The following RUFY2 variants were observed in gnomAD, a reference collection of about 807,000 sequenced individuals.
RUFY2 encodes RUN and FYVE domain-containing protein 2.
Under a neutral mutation model 94.4 loss-of-function variants are expected in RUFY2, and 49 were observed. The ratio of observed to expected loss-of-function variants is 0.52; its 90% CI spans 0.41 to 0.66. The LOEUF (loss-of-function observed/expected upper bound fraction) is 0.66. RUFY2 is among the 30% of genes least tolerant of loss of function. RUFY2 has a pLI of 0.00. For missense variants in RUFY2, 541 were observed against 692.8 expected, an observed-to-expected ratio of 0.78 and a Z score of 2.46; for synonymous variants, 255 against 235.7, an observed-to-expected ratio of 1.08 and a Z score of -0.75.
At chr10:68,366,989 G>A (rs2047898121) in intron 13 of RUFY2, among the ~76,000 whole-genome samples, 1 of 150,696 alleles carries the variant, frequency 6.6e-6, no homozygotes, top group Admixed American at 6.7e-5. Flanking sequence ...CCAACATGGT[G>A]AAACCCTGTC....
chr10:68,367,061 G>A (rs937128319), intron 13 of RUFY2, among the ~76,000 whole-genome samples: 3 of 150,072 alleles, frequency 2.0e-5, no homozygotes, highest in Non-Finnish European at 3.0e-5. Flanking sequence ...TCATCTACTC[G>A]GGAGGCTGAG....
intron 15 of RUFY2, among the ~76,000 whole-genome samples, chr10:68,359,634 G>A (rs1165436200): frequency 6.8e-6 from 1 of 146,738 alleles, no homozygotes; most frequent in Non-Finnish European, 1.5e-5. Flanking sequence ...ATACATAGTA[G>A]TAGTGCTACT....
At chr10:68,343,004 TTTTAG>T (rs1246175743), downstream of RUFY2, 5 of 152,130 alleles carry the variant, frequency 3.3e-5, no homozygotes. Context: ...CTGCTTGGAG[TTTTAG>T]TTTAAAGAAT....
chr10:68,342,204 T>G, downstream of RUFY2: 1 of 564,128 alleles, frequency 1.8e-6, no homozygotes. Context: ...CAGATTGTGA[T>G]GGGAAAATGT....
At chr10:68,400,846 A>T (rs1726463892) in intron 3 of RUFY2, among the ~76,000 whole-genome samples, 1 of 151,728 alleles carries the variant, frequency 6.6e-6, no homozygotes. Context: ...CCCGATCTCT[A>T]CTAAAAATAC....
chr10:68,372,234 T>G (rs1290465764), intron 13 of RUFY2, among the ~76,000 whole-genome samples: 1 of 151,418 alleles, frequency 6.6e-6, no homozygotes, highest in African/African-American at 2.4e-5. Context: ...CATAGCAAGA[T>G]CCTGTCCCTA....
intron 8 of RUFY2, 75 bp downstream of exon 8, chr10:68,385,984 A>T: frequency 1.1e-6 from 1 of 881,440 alleles, no homozygotes. Context: ...GTGTATGTTT[A>T]ATGCATTCAT....
At chr10:68,378,037 C>A in intron 12 of RUFY2, 1 of 985,386 alleles carries the variant, frequency 1.0e-6, no homozygotes, top group Non-Finnish European at 1.2e-6. Flanking sequence ...AAATAGAAGT[C>A]AGAGTGAGGT....
intron 6 of RUFY2, 95 bp downstream of exon 6, chr10:68,393,980 A>G: frequency 2.8e-6 from 4 of 1,430,386 alleles, no homozygotes; most frequent in Non-Finnish European, 3.7e-6. Context: ...GAAAACAACA[A>G]AATAAAACCA....
chr10:68,350,930 C>T (rs1181833683), intron 16 of RUFY2, among the ~76,000 whole-genome samples: 2 of 151,928 alleles, frequency 1.3e-5, no homozygotes, highest in Admixed American at 6.6e-5. Flanking sequence ...AGGCTGGTCT[C>T]GAACTCCCGA....
chr10:68,348,924 C>T (rs1207721503), intron 16 of RUFY2, among the ~76,000 whole-genome samples: 1 of 152,166 alleles, frequency 6.6e-6, no homozygotes, highest in Non-Finnish European at 1.5e-5. Flanking sequence ...TGCAAATAAA[C>T]AGCAATTTTT....
chr10:68,401,477 A>T (rs2050844976), intron 3 of RUFY2, 143 bp downstream of exon 3: 1 of 610,690 alleles, frequency 1.6e-6, no homozygotes, highest in African/African-American at 1.8e-5. Flanking sequence ...AGCCATAAAG[A>T]ATGAACATAA....
In RUFY2 at chr10:68,364,071, C is replaced by A; in HGVS notation, c.1368G>T (p.Arg456Ser). ...TTTGAAGATCTTCCTGCAAAGTCTG[C>A]CTCCATTCCTTCTCAATCTTCAAGT... ...ETDLKIEKEW[R>S]QTLQEDLQKE... The change falls in exon 14 of 18, where the codon AGG becomes AGT. Residue 456 changes from arginine to serine, a missense_variant. By Grantham distance (110) the Arg-to-Ser change is moderately radical. Transcript: ENST00000602465. 1 of 1,613,134 alleles carries A rather than the reference C, an allele frequency of 6.2e-7. No individual in the cohort carries two copies. Among genetic ancestry groups the A allele is most frequent in the African/African-American group, 1.3e-5 (1 of 75,010 alleles).
chr10:68,367,646 TTTTC>T (rs368425647), intron 13 of RUFY2, among the ~76,000 whole-genome samples: 62 of 150,110 alleles, frequency 4.1e-4, no homozygotes, highest in African/African-American at 1.3e-3. Context: ...CCTTCTTTTC[TTTTC>T]TTTCTTTCTC....
intron 3 of RUFY2, 144 bp downstream of exon 3, chr10:68,401,476 G>T: frequency 1.6e-6 from 1 of 607,240 alleles, no homozygotes; most frequent in Non-Finnish European, 3.0e-6. Flanking sequence ...GAGCCATAAA[G>T]AATGAACATA....
chr10:68,350,984 T>C (rs1017270581), intron 16 of RUFY2, among the ~76,000 whole-genome samples: 1 of 152,174 alleles, frequency 6.6e-6, no homozygotes, highest in Non-Finnish European at 1.5e-5. Flanking sequence ...GTGCTGGGAC[T>C]GCAGGCATGA....
At chr10:68,406,778 C>G (rs1457362339) in intron 1 of RUFY2, 2 of 1,612,152 alleles carry the variant, frequency 1.2e-6, no homozygotes, top group Admixed American at 1.7e-5. Flanking sequence ...GTCAGCATTC[C>G]CCGTCTCCCG....
Position 68,381,358 on chromosome 10 carries a change from A to G in RUFY2, c.981T>C (p.His327=), listed in dbSNP as rs774257305. The change falls in exon 11 of 18, where the codon CAT becomes CAC. Residue 327 remains histidine, a synonymous_variant. Transcript: ENST00000602465. The part of the protein sequence containing the change: ...NELAVQVSMK[H]EIELAMKLLE... Reference sequence around the variant, plus strand: ...GCAACTTCATGGCAAGTTCAATCTCATGCTTCATACTAACTTGTACTGCTA... The same window carrying G: ...GCAACTTCATGGCAAGTTCAATCTCGTGCTTCATACTAACTTGTACTGCTA... The G allele has an allele frequency of 5.6e-6, 9 of 1,613,834 alleles. No individual in the cohort carries two copies. In the South Asian group the frequency reaches 9.9e-5, roughly 18 times the overall value.
At position 68,371,131 on chromosome 10, in the gene RUFY2, C is replaced by CAAA. The variant is rs58880698; in HGVS notation, c.1325+5719_1325+5721dup. On this transcript the variant is annotated intron_variant, in intron 13 of 17. Transcript: ENST00000602465. ...TGGGTGACAGAGAGAGGCTCTGTCTCAAAAAAAAAAAAAAAAAAAGCCAGG... is the reference window on the plus strand; with the variant it reads ...TGGGTGACAGAGAGAGGCTCTGTCTCAAAAAAAAAAAAAAAAAAAAAAGCCAGG... 2.6e-3 allele frequency among the ~76,000 whole-genome samples: 153 copies of CAAA among 59,190 alleles called. 4 individuals carry two copies. The East Asian group carries it at 0.029, about 11-fold the overall frequency. The allele number at this position is 59,190 out of a possible 152,430, so 38.8% of individuals were successfully genotyped here. A position where few individuals can be genotyped will look rare whatever the true frequency, so the allele number is the denominator to read the frequency against.
Sources: allele counts gnomAD v4.1 joint callset (sites outside exome capture counted in the v4.1 genomes callset), GRCh38; gene constraint gnomAD v4.1.1; transcripts MANE v1.5; gene names NCBI Gene and HGNC (gene_info 2026-07-23, HGNC 2026-07-21).